ACSS3: variants seen among roughly 807,000 people sequenced by gnomAD.
ACSS3 encodes acyl-CoA synthetase short chain family member 3.
In ACSS3, 64 loss-of-function variants were observed where a neutral mutation model predicts 84.2. That is an observed-to-expected ratio of 0.76 (90% CI 0.62 to 0.94). ACSS3 has a LOEUF of 0.94. ACSS3 is among the 40% of genes least tolerant of loss of function. The probability of loss-of-function intolerance (pLI) is 0.00; values close to 1 mark genes in which losing one functional copy is unlikely to be tolerated. For synonymous variants in ACSS3, 317 were observed against 310.1 expected, an observed-to-expected ratio of 1.02 and a Z score of -0.23; for missense variants, 815 against 867.6, an observed-to-expected ratio of 0.94 and a Z score of 0.76.
chr12:81,144,573 T>G (rs1886236083), intron 5 of ACSS3, among the ~76,000 whole-genome samples: 1 of 135,006 alleles, frequency 7.4e-6, no homozygotes. Context: ...CTCAGCAAAG[T>G]TATGATCTAA....
chr12:81,164,048 C>A (rs561426264), intron 7 of ACSS3, among the ~76,000 whole-genome samples: 11 of 152,246 alleles, frequency 7.2e-5, no homozygotes, highest in Admixed American at 3.3e-4. Flanking sequence ...TAATGTCCTA[C>A]ACCTTCATAT....
chr12:81,128,886 T>C (rs1311177284), intron 2 of ACSS3, among the ~76,000 whole-genome samples: 4 of 152,216 alleles, frequency 2.6e-5, no homozygotes, highest in Non-Finnish European at 5.9e-5. Context: ...AATACTTTAT[T>C]TGAGTGATTA....
chr12:81,100,859 G>T (rs1041151624), intron 1 of ACSS3, among the ~76,000 whole-genome samples: 2 of 152,196 alleles, frequency 1.3e-5, no homozygotes, highest in African/African-American at 4.8e-5. Context: ...AGACTACTTT[G>T]CCTGCATTCC....
At chr12:81,139,632 A>T (rs896142911) in intron 4 of ACSS3, among the ~76,000 whole-genome samples, 2 of 140,848 alleles carry the variant, frequency 1.4e-5, no homozygotes, top group Non-Finnish European at 3.1e-5. Context: ...TAATAATAAT[A>T]ATAATTATTG....
intron 9 of ACSS3, among the ~76,000 whole-genome samples, chr12:81,210,595 T>C (rs547480644): frequency 4.0e-4 from 61 of 152,312 alleles, no homozygotes; most frequent in Non-Finnish European, 7.2e-4. Context: ...TTCCAATATA[T>C]ACCCAGAATT....
At position 81,233,410 on chromosome 12, in the gene ACSS3, C is replaced by T. The variant is rs2033528425; in HGVS notation, c.1658C>T (p.Ser553Phe). The change falls in exon 13 of 16, where the codon TCT becomes TTT. Residue 553 changes from serine to phenylalanine, a missense_variant. Coordinates refer to ENST00000548058, the MANE Select transcript of ACSS3 (RefSeq NM_024560.4). Reference sequence around the variant, plus strand: ...GAAGAAGGCTATTTGTATGTTATGTCTCGAGTGGATGATGTAATAAATGTT... The same window carrying T: ...GAAGAAGGCTATTTGTATGTTATGTTTCGAGTGGATGATGTAATAAATGTT... ...MDEEGYLYVM[S>F]RVDDVINVAG... 1 of 1,610,932 alleles carries T rather than the reference C, an allele frequency of 6.2e-7. No homozygotes were observed. The highest frequency in any genetic ancestry group is 1.3e-5 in the African/African-American group (1 of 74,642).
At chr12:81,192,389 G>GCAAA (rs199599674) in intron 8 of ACSS3, among the ~76,000 whole-genome samples, 5 of 151,878 alleles carry the variant, frequency 3.3e-5, no homozygotes, top group Non-Finnish European at 5.9e-5. Context: ...CAGGAAAAAA[G>GCAAA]CAAACAAACA....
At position 81,216,925 on chromosome 12, in the gene ACSS3, C is replaced by A. The variant is rs767901393; in HGVS notation, c.1379C>A (p.Ser460Ter). Residue 460 changes from serine (S) to a stop codon, truncating the protein, a stop_gained, in exon 10 of 16, where the codon TCA (serine) becomes TAA (stop). Coordinates refer to ENST00000548058, the MANE Select transcript of ACSS3 (RefSeq NM_024560.4). LOFTEE classifies it high-confidence loss of function. ...QTETGSPITA[S>*]CVGLGNSKTP... ...GAGACTGGATCTCCAATTACTGCGTCATGTGTTGGATTAGGCAATTCTAAA... is the reference window on the plus strand; with the variant it reads ...GAGACTGGATCTCCAATTACTGCGTAATGTGTTGGATTAGGCAATTCTAAA... 2 of 1,611,070 alleles carry A rather than the reference C, an allele frequency of 1.2e-6. No homozygotes were observed. Among genetic ancestry groups the A allele is most frequent in the South Asian group, 1.1e-5 (1 of 91,002 alleles).
chr12:81,204,775 G>A (rs1180503205), intron 9 of ACSS3, among the ~76,000 whole-genome samples: 1 of 152,148 alleles, frequency 6.6e-6, no homozygotes, highest in African/African-American at 2.4e-5. Flanking sequence ...TTATGTCCAG[G>A]TACTGATGAC....
intron 7 of ACSS3, among the ~76,000 whole-genome samples, chr12:81,158,797 A>G (rs1350277497): frequency 6.6e-6 from 1 of 152,020 alleles, no homozygotes; most frequent in African/African-American, 2.4e-5. Flanking sequence ...AAATCCCTTT[A>G]TCATGGTCTT....
chr12:81,241,678 G>C (rs1353318759), intron 13 of ACSS3, among the ~76,000 whole-genome samples: 3 of 151,942 alleles, frequency 2.0e-5, no homozygotes, highest in Non-Finnish European at 4.4e-5. Flanking sequence ...CTTTTTGATG[G>C]GGTTGTTTGT....
chr12:81,107,728 G>A (rs528959116), intron 1 of ACSS3, among the ~76,000 whole-genome samples: 18 of 151,472 alleles, frequency 1.2e-4, no homozygotes, highest in Non-Finnish European at 1.3e-4. Context: ...ATTTCCATAT[G>A]TCTGCAGGTG....
intron 4 of ACSS3, among the ~76,000 whole-genome samples, chr12:81,142,606 A>G (rs1420209957): frequency 6.6e-6 from 1 of 152,198 alleles, no homozygotes; most frequent in Non-Finnish European, 1.5e-5. Context: ...CTGAAGAAGA[A>G]TTAATGTTTT....
intron 8 of ACSS3, among the ~76,000 whole-genome samples, chr12:81,178,467 T>A (rs1399415021): frequency 8.5e-6 from 1 of 117,088 alleles, no homozygotes; most frequent in Non-Finnish European, 2.0e-5. Context: ...AGTATAATAA[T>A]AATAAAATAA....
chr12:81,247,328 TC>T (rs2034014075), intron 13 of ACSS3, among the ~76,000 whole-genome samples: 1 of 152,160 alleles, frequency 6.6e-6, no homozygotes, highest in Non-Finnish European at 1.5e-5. Context: ...AAAACCTTAG[TC>T]TTTTTTTGTT....
At chr12:81,138,849 C>A (rs967700890) in intron 3 of ACSS3, among the ~76,000 whole-genome samples, 1 of 152,110 alleles carries the variant, frequency 6.6e-6, no homozygotes, top group Non-Finnish European at 1.5e-5. Context: ...GCAAATCCAC[C>A]TGGCTTAATG....
intron 1 of ACSS3, among the ~76,000 whole-genome samples, chr12:81,108,113 G>A (rs1015877076): frequency 6.6e-6 from 1 of 151,990 alleles, no homozygotes; most frequent in Non-Finnish European, 1.5e-5. Context: ...CATGAGATCA[G>A]TCACAGGGGA....
intron 1 of ACSS3, among the ~76,000 whole-genome samples, chr12:81,099,529 T>C (rs188781406): frequency 6.6e-6 from 1 of 152,302 alleles, no homozygotes; most frequent in East Asian, 1.9e-4. Context: ...TTTTTGAGAA[T>C]TTCATATTAT....
At chr12:81,227,277 A>G (rs768428748) in intron 11 of ACSS3, among the ~76,000 whole-genome samples, 3 of 151,796 alleles carry the variant, frequency 2.0e-5, no homozygotes, top group Non-Finnish European at 1.5e-5. Flanking sequence ...TGTTAATTTC[A>G]TCTAAAAAAT....
Sources: allele counts gnomAD v4.1 joint callset (sites outside exome capture counted in the v4.1 genomes callset), GRCh38; gene constraint gnomAD v4.1.1; transcripts MANE v1.5; gene names NCBI Gene and HGNC (gene_info 2026-07-23, HGNC 2026-07-21).